Variants in IPPK observed in about 807,000 individuals in gnomAD.
IPPK encodes the protein IPK1 homolog.
In IPPK, 22 loss-of-function variants were observed where a neutral mutation model predicts 64.6. The observed-to-expected ratio is 0.34, with a 90% CI of 0.24 to 0.49. IPPK has a LOEUF of 0.49. IPPK is among the 20% of genes least tolerant of loss of function. The pLI is 0.99. For missense variants in IPPK, 532 were observed against 630.7 expected (o/e 0.84, Z 1.68); for synonymous variants, 262 against 247.2 (o/e 1.06, Z -0.56).
At chr9:92,626,918 G>GA (rs11449391) in intron 11 of IPPK, among the ~76,000 whole-genome samples, 34,216 of 138,458 alleles carry the variant, frequency 0.25, 4,552 homozygotes, top group East Asian at 0.63. Context: ...ATGCTATTAA[G>GA]AAAAAAAAAA....
At chr9:92,653,566 T>C (rs924409743) in intron 3 of IPPK, among the ~76,000 whole-genome samples, 3 of 152,194 alleles carry the variant, frequency 2.0e-5, no homozygotes, top group South Asian at 2.1e-4. Context: ...AATTTGTAAA[T>C]TGAAGCCAAG....
intron 11 of IPPK, among the ~76,000 whole-genome samples, chr9:92,632,689 G>A (rs1851867037): frequency 6.6e-6 from 1 of 152,234 alleles, no homozygotes; most frequent in Non-Finnish European, 1.5e-5. Flanking sequence ...TCACCAGGAT[G>A]ACAACTCTGC....
intron 11 of IPPK, among the ~76,000 whole-genome samples, chr9:92,627,745 A>G (rs1851759326): frequency 1.3e-5 from 2 of 152,236 alleles, no homozygotes; most frequent in South Asian, 4.1e-4. Context: ...AACATCATAC[A>G]TGACGATGAA....
At chr9:92,663,717 G>A (rs1436581761) in intron 1 of IPPK, among the ~76,000 whole-genome samples, 1 of 152,180 alleles carries the variant, frequency 6.6e-6, no homozygotes. Context: ...AGCCTTTCAG[G>A]ACAGATGAGG....
Position 92,642,753 on chromosome 9 carries a change from C to G in IPPK, c.562G>C (p.Gly188Arg). Reference sequence around the variant, plus strand: ...GGCAAAGGAGAAGTGTTCTCTTACCCTGAGTAGAGATCAAGGGGACAGTAT... The same window carrying G: ...GGCAAAGGAGAAGTGTTCTCTTACCGTGAGTAGAGATCAAGGGGACAGTAT... The part of the protein sequence containing the change: ...SKYCPLDLYS[G>R]NKQRMHFALK... Residue 188 changes from glycine (G) to arginine (R), a missense_variant and splice_region_variant, in exon 7 of 13, where the codon GGA becomes CGA. Physicochemically the swap from Gly to Arg is moderately radical, Grantham distance 125. Transcript: ENST00000287996. 6.2e-7 allele frequency: 1 copy of G among 1,613,696 alleles called. No homozygotes were observed. Among genetic ancestry groups the G allele is most frequent in the South Asian group, 1.1e-5 (1 of 91,062 alleles).
In IPPK at chr9:92,635,567, T is replaced by C. The variant is rs919486192; in HGVS notation, c.917-259A>G. ...CAAAGGAGGGAGCAAGAAATGCACATGTCCTGCCTCGTGGCTCTCCTCTCC... is the reference window on the plus strand; with the variant it reads ...CAAAGGAGGGAGCAAGAAATGCACACGTCCTGCCTCGTGGCTCTCCTCTCC... On this transcript the variant is annotated intron_variant, in intron 9 of 12. Coordinates refer to ENST00000287996, the MANE Select transcript of IPPK (RefSeq NM_022755.6). The surrounding 1 kb of genome is among the most constrained non-coding windows in gnomAD (Gnocchi z 4.4). Among the ~76,000 whole-genome samples, 10 of 152,206 alleles carry C rather than the reference T, an allele frequency of 6.6e-5. No individual in the cohort carries two copies. The highest frequency in any genetic ancestry group is 1.0e-4 in the Non-Finnish European group (7 of 68,032).
intron 11 of IPPK, among the ~76,000 whole-genome samples, chr9:92,630,637 T>C (rs1014275776): frequency 3.3e-5 from 5 of 151,958 alleles, no homozygotes; most frequent in Middle Eastern, 3.4e-3. Flanking sequence ...TGGATAAATC[T>C]AAACATCTGT....
chr9:92,646,181 A>G (rs1480529979), intron 6 of IPPK, among the ~76,000 whole-genome samples: 1 of 152,200 alleles, frequency 6.6e-6, no homozygotes. Context: ...CCTGAACTAG[A>G]CTGTTCAGGT....
At chr9:92,649,330 G>A (rs1028744655) in intron 5 of IPPK, 123 bp downstream of exon 5, 3 of 1,117,392 alleles carry the variant, frequency 2.7e-6, no homozygotes, top group Admixed American at 4.3e-5. Flanking sequence ...GAGTTTCCAG[G>A]AGCCAAGGGT....
At chr9:92,669,532 G>C (rs1852679964) in intron 1 of IPPK, among the ~76,000 whole-genome samples, 3 of 152,196 alleles carry the variant, frequency 2.0e-5, no homozygotes, top group African/African-American at 7.2e-5. Context: ...ACCCCACTGC[G>C]GCCTGGCAGT....
chr9:92,656,649 G>C (rs966568971), intron 2 of IPPK, 98 bp from the exon 3 acceptor site: 1 of 762,368 alleles, frequency 1.3e-6, no homozygotes, highest in East Asian at 2.6e-5. Flanking sequence ...CCCACCACAA[G>C]CAAGGGGGAC....
intron 1 of IPPK, among the ~76,000 whole-genome samples, chr9:92,665,363 C>T (rs182701740): frequency 4.3e-4 from 65 of 152,360 alleles, no homozygotes; most frequent in African/African-American, 1.5e-3. Flanking sequence ...GCCCAGTTAA[C>T]AGTCCTGCAG....
chr9:92,634,416 A>G lies in IPPK; in HGVS notation c.1140T>C (p.Asp380=). The G allele has an allele frequency of 6.2e-7, 1 of 1,614,118 alleles. No individual in the cohort carries two copies. Among genetic ancestry groups the G allele is most frequent in the Non-Finnish European group, 8.5e-7 (1 of 1,179,926 alleles). Residue 380 remains aspartate, a synonymous_variant, in exon 11 of 13, where the codon GAT becomes GAC. Coordinates refer to ENST00000287996, the MANE Select transcript of IPPK (RefSeq NM_022755.6). ...TTAGCGCGAAGGCCACTGTCCCGTC[A>G]TCCTCAGTGGAAAGGTCAAGCAGCT... ...YQKLLDLSTE[D]DGTVAFALTK... is the part of the protein sequence containing the mutation.
At chr9:92,659,324 C>T (rs530056367) in intron 1 of IPPK, among the ~76,000 whole-genome samples, 3 of 152,092 alleles carry the variant, frequency 2.0e-5, no homozygotes, top group Non-Finnish European at 4.4e-5. Flanking sequence ...GCTATACCCA[C>T]GATCTGAGTA....
chr9:92,630,989 C>T (rs1851830197), intron 11 of IPPK, among the ~76,000 whole-genome samples: 1 of 152,282 alleles, frequency 6.6e-6, no homozygotes, highest in Middle Eastern at 3.4e-3. Flanking sequence ...AACTCAGCCC[C>T]ACTCATGTTT....
intron 1 of IPPK, among the ~76,000 whole-genome samples, chr9:92,663,968 G>C (rs1015333232): frequency 6.6e-6 from 1 of 152,216 alleles, no homozygotes; most frequent in Non-Finnish European, 1.5e-5. Flanking sequence ...AGCTTCTTCC[G>C]AATTGTGAAG....
At chr9:92,630,342 G>A (rs555827661) in intron 11 of IPPK, among the ~76,000 whole-genome samples, 3 of 152,320 alleles carry the variant, frequency 2.0e-5, no homozygotes, top group South Asian at 2.1e-4. Context: ...AGTCTACAGC[G>A]ATAGAAAGTA....
chr9:92,614,248 A>C lies in IPPK; in HGVS notation c.*1584T>G, dbSNP rs1046675918. ...GACCCAGCATCCTCCACACACCGTG[A>C]CAATGGGCAAAATCATCCCAAACCA... On this transcript the variant is annotated 3_prime_UTR_variant, in exon 13 of 13. Transcript: ENST00000287996. 1 of 153,082 alleles carries C rather than the reference A, an allele frequency of 6.5e-6. No individual in the cohort carries two copies. The highest frequency in any genetic ancestry group is 1.5e-5 in the Non-Finnish European group (1 of 68,706). 9.5% of individuals were successfully genotyped at this position (153,082 alleles called of 1,614,324 possible).
intron 11 of IPPK, among the ~76,000 whole-genome samples, chr9:92,632,926 G>A (rs565289864): frequency 7.2e-5 from 11 of 152,324 alleles, no homozygotes; most frequent in African/African-American, 2.2e-4. Context: ...GCGCCAGCTC[G>A]CTCCAGAACA....
Sources: gnomAD v4.1 joint callset for allele counts (sites outside exome capture counted in the v4.1 genomes callset) on GRCh38, gnomAD v4.1.1 for gene constraint, Gnocchi (gnomAD v3.1) non-coding constraint, MANE v1.5 for transcripts, NCBI Gene and HGNC (gene_info 2026-07-23, HGNC 2026-07-21) for gene names.